Variants in MYBPHL observed in about 807,000 individuals in gnomAD.
MYBPHL encodes myosin-binding protein H-like.
A neutral mutation model predicts 39.5 loss-of-function variants in MYBPHL; 32 were observed. The ratio of observed to expected loss-of-function variants is 0.81; its 90% CI spans 0.61 to 1.09. MYBPHL has a LOEUF of 1.09. Among genes scored for constraint, MYBPHL ranks in the 50% least tolerant of loss-of-function variants. The pLI, the probability that MYBPHL is intolerant of heterozygous loss-of-function variation, is 0.00. For synonymous variants in MYBPHL, 196 were observed against 183.7 expected, an observed-to-expected ratio of 1.07 and a Z score of -0.54; for missense variants, 456 against 460.2, an observed-to-expected ratio of 0.99 and a Z score of 0.08.
rs140686948 is a variant in MYBPHL, at chr1:109,297,104, C to G, written c.516G>C (p.Thr172=). Residue 172 remains threonine, a synonymous_variant, in exon 4 of 9, where the codon ACG becomes ACC. Coordinates refer to ENST00000357155, the MANE Select transcript of MYBPHL (RefSeq NM_001010985.3). Reference sequence around the variant, plus strand: ...TGTATCCCAGAAGTGCTGTATTCCCCGTATCTTGGGGCGGTGTCCATTCCA... The same window carrying G: ...TGTATCCCAGAAGTGCTGTATTCCCGGTATCTTGGGGCGGTGTCCATTCCA... ...ATLEWTPPQD[T]GNTALLGYTV... is the part of the protein sequence containing the mutation. 1 of 1,614,166 alleles carries G rather than the reference C, an allele frequency of 6.2e-7. No homozygotes were observed. The highest frequency in any genetic ancestry group is 2.2e-5 in the East Asian group (1 of 44,874).
chr1:109,293,539 C>G (rs1161649762), intron 8 of MYBPHL, among the ~76,000 whole-genome samples: 2 of 150,820 alleles, frequency 1.3e-5, no homozygotes, highest in African/African-American at 4.9e-5. Flanking sequence ...GTCAGGAGAT[C>G]GAGACCATCC....
chr1:109,297,054 G>A lies in MYBPHL; in HGVS notation c.566C>T (p.Ser189Phe). Residue 189 changes from serine to phenylalanine, a missense_variant, in exon 4 of 9, where the codon TCC becomes TTC. By Grantham distance (155) the Ser-to-Phe change is radical (BLOSUM62 -2). Coordinates refer to ENST00000357155, the MANE Select transcript of MYBPHL (RefSeq NM_001010985.3). ...GYTVQKADTK[S>F]GLWFTVLEHY... is the part of the protein sequence containing the mutation. ...TTCCTTCCCAGCTGGCCTCACCCCG[G>A]ATTTTGTGTCAGCCTTCTGCACCGT... 2 of 1,614,088 alleles carry A rather than the reference G, an allele frequency of 1.2e-6. No homozygotes were observed. The highest frequency in any genetic ancestry group is 1.7e-6 in the Non-Finnish European group (2 of 1,180,018).
intron 1 of MYBPHL, among the ~76,000 whole-genome samples, chr1:109,299,037 T>C (rs681242): frequency 0.68 from 102,840 of 151,482 alleles, 36,546 homozygotes; most frequent in East Asian, 1. Flanking sequence ...GGTTTGGAGA[T>C]TGACCAGGTA....
intron 8 of MYBPHL, among the ~76,000 whole-genome samples, chr1:109,293,665 G>A (rs1177161539): frequency 1.3e-5 from 2 of 151,656 alleles, no homozygotes; most frequent in Non-Finnish European, 1.5e-5. Flanking sequence ...GCATGAACCC[G>A]GCAGGCAGAG....
intron 1 of MYBPHL, among the ~76,000 whole-genome samples, chr1:109,303,276 C>A (rs1658355852): frequency 6.6e-6 from 1 of 152,158 alleles, no homozygotes; most frequent in South Asian, 2.1e-4. Flanking sequence ...CTACCTAGCA[C>A]CCCTTTCATG....
At chr1:109,294,424 C>G (rs1244823239) in intron 7 of MYBPHL, among the ~76,000 whole-genome samples, 175 bp from the exon 8 acceptor site, 2 of 152,150 alleles carry the variant, frequency 1.3e-5, no homozygotes, top group Non-Finnish European at 2.9e-5. Context: ...CATTCTTGAT[C>G]CATGCAACAA....
chr1:109,302,924 G>A (rs1032973979), intron 1 of MYBPHL, among the ~76,000 whole-genome samples: 6 of 152,194 alleles, frequency 3.9e-5, no homozygotes, highest in African/African-American at 9.6e-5. Context: ...TGGCAATGGT[G>A]AGAATCACAT....
At chr1:109,299,033 G>C (rs928557869) in intron 1 of MYBPHL, among the ~76,000 whole-genome samples, 4 of 152,174 alleles carry the variant, frequency 2.6e-5, no homozygotes, top group African/African-American at 9.7e-5. Context: ...TGTAGGTTTG[G>C]AGATTGACCA....
rs937286216 is a variant in MYBPHL at position 109,299,199 on chromosome 1, G to A, written c.146-942C>T. ...CCTCCTTTCTCAGGCACAGGCAGTC[G>A]CCTGGCTGATATTATCTTCAGTAGA... On this transcript the variant is annotated intron_variant, in intron 1 of 8. Coordinates refer to ENST00000357155, the MANE Select transcript of MYBPHL (RefSeq NM_001010985.3). 4.6e-5 allele frequency among the ~76,000 whole-genome samples: 7 copies of A among 152,098 alleles called. 1 individual carries two copies. The highest frequency in any genetic ancestry group is 4.6e-4 in the Admixed American group (7 of 15,254).
intron 1 of MYBPHL, among the ~76,000 whole-genome samples, chr1:109,300,252 C>A (rs1658234587): frequency 1.3e-5 from 2 of 152,198 alleles, no homozygotes; most frequent in South Asian, 4.1e-4. Context: ...ACCAGAGACT[C>A]CTGCCTCCCC....
chr1:109,297,045 C>T lies in MYBPHL; in HGVS notation c.570+5G>A, dbSNP rs754796108. On this transcript the variant is annotated splice_donor_5th_base_variant and intron_variant, in intron 4 of 8. Transcript: ENST00000357155. ...CCACCCTCCTTCCTTCCCAGCTGGC[C>T]TCACCCCGGATTTTGTGTCAGCCTT... 4 of 1,614,148 alleles carry T rather than the reference C, an allele frequency of 2.5e-6. No homozygotes were observed. Among genetic ancestry groups the T allele is most frequent in the Non-Finnish European group, 2.5e-6 (3 of 1,180,026 alleles).
intron 6 of MYBPHL, 114 bp from the exon 7 acceptor site, chr1:109,295,411 G>T (rs527288828): frequency 2.1e-6 from 2 of 947,114 alleles, no homozygotes; most frequent in African/African-American, 1.6e-5. Context: ...TTTCTGGAAG[G>T]CTCCCTGTTC....
At chr1:109,299,861 G>C (rs1658222607) in intron 1 of MYBPHL, among the ~76,000 whole-genome samples, 1 of 152,204 alleles carries the variant, frequency 6.6e-6, no homozygotes, top group Non-Finnish European at 1.5e-5. Flanking sequence ...GGGAGGGGCG[G>C]GACATGAAGA....
intron 1 of MYBPHL, among the ~76,000 whole-genome samples, chr1:109,299,734 C>A (rs1658217941): frequency 6.6e-6 from 1 of 152,226 alleles, no homozygotes; most frequent in Admixed American, 6.5e-5. Context: ...ACTTGATGGG[C>A]CTGAGTGCCC....
intron 1 of MYBPHL, among the ~76,000 whole-genome samples, chr1:109,298,764 GC>G (rs907688178): frequency 6.6e-5 from 10 of 151,932 alleles, no homozygotes; most frequent in African/African-American, 2.2e-4. Flanking sequence ...CCTCCCAGCC[GC>G]CCACGGAGAC....
chr1:109,305,399 G>C (rs1658430753), intron 1 of MYBPHL, among the ~76,000 whole-genome samples: 1 of 152,222 alleles, frequency 6.6e-6, no homozygotes, highest in African/African-American at 2.4e-5. Flanking sequence ...TGGCCCTGAG[G>C]CCTGCAGTGT....
rs776844669 is a variant in MYBPHL at position 109,297,171 on chromosome 1, T to C, written c.449A>G (p.Gln150Arg). 5 of 1,614,056 alleles carry C rather than the reference T, an allele frequency of 3.1e-6. No homozygotes were observed. Among genetic ancestry groups the C allele is most frequent in the Non-Finnish European group, 4.2e-6 (5 of 1,180,030 alleles). Residue 150 changes from glutamine to arginine, a missense_variant, in exon 4 of 9, where the codon CAG (glutamine) becomes CGG (arginine). Coordinates refer to ENST00000357155, the MANE Select transcript of MYBPHL (RefSeq NM_001010985.3). ...CCAAACGTCCACCAGCTTAATACTC[T>C]GAGGAGGGCCTGGCCTCTCTGAAAG... The part of the protein sequence containing the change: ...ILVIERPGPP[Q>R]SIKLVDVWGF...
chr1:109,297,290 T>G, intron 3 of MYBPHL, 101 bp from the exon 4 acceptor site: 1 of 1,578,470 alleles, frequency 6.3e-7, no homozygotes, highest in Non-Finnish European at 8.7e-7. Context: ...TTACCCCTCC[T>G]GCGCCCACCC....
In MYBPHL at chr1:109,295,152, G is replaced by C. The variant is rs148219864; in HGVS notation, c.1013C>G (p.Pro338Arg). The C allele has an allele frequency of 3.7e-6, 6 of 1,613,910 alleles. No homozygotes were observed. In the South Asian group the frequency reaches 5.5e-5, roughly 15 times the overall value. Residue 338 changes from proline (P) to arginine (R), a missense_variant, in exon 7 of 9, where the codon CCC (proline) becomes CGC (arginine). Coordinates refer to ENST00000357155, the MANE Select transcript of MYBPHL (RefSeq NM_001010985.3). Reference protein sequence around the residue: ...GGIYTCKAVNPLGEASVDCRV... With the variant: ...GGIYTCKAVNRLGEASVDCRV... The stretch of plus-strand genomic sequence containing the variant: ...ACAGTCCACAGATGCCTCCCCTAGG[G>C]GGTTCACCGCCTTGCAGGTATAGAT...
Sources: allele counts gnomAD v4.1 joint callset (sites outside exome capture counted in the v4.1 genomes callset), GRCh38; gene constraint gnomAD v4.1.1; transcripts MANE v1.5; gene names NCBI Gene and HGNC (gene_info 2026-07-23, HGNC 2026-07-21).